The following AK5 variants were observed in gnomAD, a reference collection of about 807,000 sequenced individuals.
The protein encoded by AK5 is adenylate kinase 5.
AK5 carries 27 observed loss-of-function variants against 69.5 expected under a neutral mutation model. That is an observed-to-expected ratio of 0.39 (90% CI 0.29 to 0.54). The LOEUF (loss-of-function observed/expected upper bound fraction) is 0.54. Among genes scored for constraint, AK5 ranks in the 20% least tolerant of loss-of-function variants. The probability of loss-of-function intolerance (pLI) is 0.71; values close to 1 mark genes in which losing one functional copy is unlikely to be tolerated. For synonymous variants in AK5, 260 were observed against 244.4 expected (o/e 1.06, Z -0.60); for missense variants, 531 against 700.4 (o/e 0.76, Z 2.73).
chr1:77,438,815 C>T (rs767050027), intron 8 of AK5, among the ~76,000 whole-genome samples: 2 of 152,080 alleles, frequency 1.3e-5, no homozygotes, highest in Admixed American at 6.6e-5. Flanking sequence ...CCAGAGTACT[C>T]GAACCAGAAG....
chr1:77,499,542 T>C (rs1656573936), intron 10 of AK5, among the ~76,000 whole-genome samples: 2 of 152,138 alleles, frequency 1.3e-5, no homozygotes, highest in South Asian at 4.1e-4. Context: ...CGTATGACCC[T>C]GTTTGGACTA....
intron 12 of AK5, among the ~76,000 whole-genome samples, chr1:77,532,870 G>T (rs1444923651): frequency 1.3e-5 from 2 of 152,170 alleles, no homozygotes; most frequent in African/African-American, 2.4e-5. Context: ...TTCTCTGCTC[G>T]TCTGCTTACT....
rs1189552291 is a variant in AK5, at chr1:77,304,367, A to T, written c.699+6420A>T. The stretch of plus-strand genomic sequence containing the variant: ...GGATCTCATTCTTTTTTATGGCCAA[A>T]CAGTACTCCGTTGTATATATGTACC... On this transcript the variant is annotated intron_variant, in intron 5 of 13. Coordinates refer to ENST00000354567, the MANE Select transcript of AK5 (RefSeq NM_174858.3). Among the ~76,000 whole-genome samples the T allele has an allele frequency of 4.0e-5, 6 of 151,186 alleles. No individual in the cohort carries two copies. In the East Asian group the frequency reaches 1.2e-3, roughly 29 times the overall value.
At chr1:77,325,235 G>A (rs1056201401) in intron 5 of AK5, among the ~76,000 whole-genome samples, 1 of 148,826 alleles carries the variant, frequency 6.7e-6, no homozygotes, top group African/African-American at 2.5e-5. Flanking sequence ...TCAAGCTCCT[G>A]ACCTGGTGAT....
intron 5 of AK5, among the ~76,000 whole-genome samples, chr1:77,336,800 A>T (rs1661387248): frequency 6.6e-6 from 1 of 151,960 alleles, no homozygotes. Context: ...GAAAGTCTTT[A>T]TTTCTCCTTC....
chr1:77,477,827 C>G (rs1655039136), intron 8 of AK5, among the ~76,000 whole-genome samples: 1 of 152,130 alleles, frequency 6.6e-6, no homozygotes, highest in South Asian at 2.1e-4. Context: ...ACACATTTTG[C>G]TACCATGAAA....
chr1:77,394,462 T>C (rs1226364765), intron 6 of AK5, among the ~76,000 whole-genome samples: 2 of 152,152 alleles, frequency 1.3e-5, no homozygotes, highest in Non-Finnish European at 2.9e-5. Flanking sequence ...AATCCTTCTT[T>C]CTCTTTTGAT....
Position 77,559,965 on chromosome 1 carries a change from G to A in AK5, c.*1295G>A, listed in dbSNP as rs1205210613. 2 of 152,386 alleles carry A rather than the reference G, an allele frequency of 1.3e-5. No individual in the cohort carries two copies. Among genetic ancestry groups the A allele is most frequent in the Admixed American group, 1.3e-4 (2 of 15,248 alleles). 9.4% of individuals were successfully genotyped at this position (152,386 alleles called of 1,614,324 possible). ...TACAAATAAAATAAATGGAAGACAG[G>A]ATAACTCTTTTTCTATTTATTTGTA... On this transcript the variant is annotated 3_prime_UTR_variant, in exon 14 of 14. Transcript: ENST00000354567.
intron 6 of AK5, among the ~76,000 whole-genome samples, chr1:77,397,379 C>G (rs992883953): frequency 6.6e-6 from 1 of 152,160 alleles, no homozygotes; most frequent in Admixed American, 6.5e-5. Flanking sequence ...TTGGCGCTTC[C>G]TCCGTCATGA....
At chr1:77,399,917 A>C (rs574247289) in intron 6 of AK5, among the ~76,000 whole-genome samples, 11 of 152,262 alleles carry the variant, frequency 7.2e-5, no homozygotes, top group South Asian at 2.1e-4. Flanking sequence ...CTACCAACCC[A>C]CACAGACCCA....
At chr1:77,369,850 T>C (rs552261889) in intron 6 of AK5, among the ~76,000 whole-genome samples, 1 of 152,338 alleles carries the variant, frequency 6.6e-6, no homozygotes, top group South Asian at 2.1e-4. Flanking sequence ...TCATAAATTA[T>C]TAAAGGAAAA....
chr1:77,291,934 T>C (rs897620940), intron 2 of AK5, among the ~76,000 whole-genome samples: 3 of 152,130 alleles, frequency 2.0e-5, no homozygotes, highest in African/African-American at 7.2e-5. Flanking sequence ...AGGTGGCCTT[T>C]AAGGTAAAGT....
intron 2 of AK5, among the ~76,000 whole-genome samples, chr1:77,290,154 G>C (rs1658606017): frequency 6.6e-6 from 1 of 152,188 alleles, no homozygotes; most frequent in Non-Finnish European, 1.5e-5. Context: ...ATGGTGGTAA[G>C]AATGTTGCAT....
At chr1:77,421,849 C>T (rs567138214) in intron 8 of AK5, among the ~76,000 whole-genome samples, 4 of 152,290 alleles carry the variant, frequency 2.6e-5, no homozygotes, top group Non-Finnish European at 5.9e-5. Context: ...ACCATGGCCC[C>T]TTCTCTCCTA....
chr1:77,533,833 C>T (rs1658807885), intron 12 of AK5, among the ~76,000 whole-genome samples: 1 of 152,108 alleles, frequency 6.6e-6, no homozygotes, highest in African/African-American at 2.4e-5. Flanking sequence ...CAACCCTAAC[C>T]CAAAGTTGTT....
chr1:77,444,394 GTATAAATATATACTATATATAGTA>G (rs1475917058), intron 8 of AK5, among the ~76,000 whole-genome samples: 1 of 69,996 alleles, frequency 1.4e-5, no homozygotes, highest in African/African-American at 6.2e-5. Context: ...AGTATATATA[GTATAAATATATACTATATATAGTA>G]TATACATAGT....
chr1:77,518,169 G>A (rs1657772334), intron 10 of AK5, among the ~76,000 whole-genome samples: 1 of 152,142 alleles, frequency 6.6e-6, no homozygotes, highest in South Asian at 2.1e-4. Context: ...GCACATGAGT[G>A]GGTTCGGTTC....
intron 8 of AK5, among the ~76,000 whole-genome samples, chr1:77,466,054 A>G (rs761949585): frequency 7.9e-5 from 12 of 152,170 alleles, no homozygotes; most frequent in Non-Finnish European, 1.2e-4. Flanking sequence ...CTCCTGGGAT[A>G]AAACCCGACT....
intron 12 of AK5, among the ~76,000 whole-genome samples, chr1:77,528,829 C>A (rs1165054035): frequency 6.6e-6 from 1 of 152,194 alleles, no homozygotes; most frequent in East Asian, 1.9e-4. Context: ...TGTGAACAGG[C>A]CTGTATTTGG....
Sources: allele counts gnomAD v4.1 joint callset (sites outside exome capture counted in the v4.1 genomes callset), GRCh38; gene constraint gnomAD v4.1.1; transcripts MANE v1.5; gene names NCBI Gene and HGNC (gene_info 2026-07-23, HGNC 2026-07-21).